Variants in CACNA1D observed in about 807,000 individuals in gnomAD.
The protein encoded by CACNA1D is voltage-dependent L-type calcium channel subunit alpha-1D.
Under a neutral mutation model 257.1 loss-of-function variants are expected in CACNA1D, and 55 were observed. That is an observed-to-expected ratio of 0.21 (90% confidence interval 0.17 to 0.27). CACNA1D has a LOEUF of 0.27. Among genes scored for constraint, CACNA1D ranks in the 10% least tolerant of loss-of-function variants. CACNA1D has a pLI of 1.00. For synonymous variants in CACNA1D, 980 were observed against 1,014.9 expected (o/e 0.97, Z 0.65); for missense variants, 1,876 against 2,784.0 (o/e 0.67, Z 7.34).
chr3:53,777,786 G>A (rs990999711), intron 37 of CACNA1D, among the ~76,000 whole-genome samples: 3 of 152,146 alleles, frequency 2.0e-5, no homozygotes, highest in African/African-American at 7.2e-5. Flanking sequence ...GCCAGAGCAC[G>A]CTCTCAGGAA....
rs1303871599 is a variant in CACNA1D, at chr3:53,776,540, G to A, written c.4363-63G>A. ...TCATGTCCATGTCATTAGAAAGCCT[G>A]TGCTCAGTTCTAACGCAATCCAGCT... On this transcript the variant is annotated intron_variant, in intron 35 of 47. Coordinates refer to ENST00000350061, the MANE Select transcript of CACNA1D (RefSeq NM_001128840.3). 5 of 1,602,206 alleles carry A rather than the reference G, an allele frequency of 3.1e-6. No homozygotes were observed. In the East Asian group the frequency reaches 1.1e-4, roughly 36 times the overall value.
intron 19 of CACNA1D, 83 bp from the exon 20 acceptor site, chr3:53,735,291 G>T (rs147939966): frequency 3.1e-6 from 4 of 1,300,950 alleles, no homozygotes; most frequent in Admixed American, 1.7e-5. Flanking sequence ...CTGGCCTCTT[G>T]CTGCAGTGGC....
chr3:53,809,956 C>T lies in CACNA1D; in HGVS notation c.5872-22C>T, dbSNP rs751144065. ...GGACCTCTGAGAACCTCTGGTCTCC[C>T]AACAGTCCCCTCTTTCCTCAGATCA... On this transcript the variant is annotated intron_variant, in intron 46 of 47. Coordinates refer to ENST00000350061, the MANE Select transcript of CACNA1D (RefSeq NM_001128840.3). The T allele has an allele frequency of 8.7e-6, 14 of 1,611,976 alleles. No individual in the cohort carries two copies. In the South Asian group the frequency reaches 9.9e-5, roughly 11 times the overall value.
chr3:53,772,920 C>G (rs746132422), intron 33 of CACNA1D, 22 bp downstream of exon 33: 1 of 1,601,538 alleles, frequency 6.2e-7, no homozygotes, highest in Non-Finnish European at 8.6e-7. Context: ...CCATCTCGCC[C>G]TCAGGGGCCC....
intron 8 of CACNA1D, among the ~76,000 whole-genome samples, chr3:53,685,858 C>T (rs905452602): frequency 6.6e-6 from 1 of 151,964 alleles, no homozygotes. Context: ...TCTACATTTC[C>T]ATCTACTAAT....
intron 3 of CACNA1D, among the ~76,000 whole-genome samples, chr3:53,508,442 C>A (rs1309338753): frequency 6.6e-6 from 1 of 152,060 alleles, no homozygotes; most frequent in Non-Finnish European, 1.5e-5. Flanking sequence ...AGCCTAGTAC[C>A]CAATAGTTAT....
Position 53,774,804 on chromosome 3 carries a change from T to G in CACNA1D, c.4202+126T>G. On this transcript the variant is annotated intron_variant, in intron 34 of 47. Transcript: ENST00000350061. The surrounding 1 kb of genome is among the most constrained non-coding windows in gnomAD (Gnocchi z 4.3). ...CTCAGTTGATTGTGATGGCTTTTTG[T>G]TTTTGTTTGTTCTGTATTCTTAAAC... The G allele has an allele frequency of 1.5e-6, 1 of 663,516 alleles. No individual in the cohort carries two copies. The highest frequency in any genetic ancestry group is 1.7e-5 in the South Asian group (1 of 57,614). 41.1% of individuals were successfully genotyped at this position (663,516 alleles called of 1,614,324 possible).
At chr3:53,730,381 A>G (rs774634451) in intron 15 of CACNA1D, 61 bp from the exon 16 acceptor site, 5 of 1,132,220 alleles carry the variant, frequency 4.4e-6, no homozygotes, top group East Asian at 4.7e-5. Flanking sequence ...TGGCGTTGCC[A>G]TTGTTGGCCG....
At chr3:53,691,793 T>C (rs1205517324) in intron 8 of CACNA1D, among the ~76,000 whole-genome samples, 1 of 75,398 alleles carries the variant, frequency 1.3e-5, no homozygotes, top group Admixed American at 1.9e-4. Context: ...ATAATATATA[T>C]ATTACATATA....
Position 53,702,819 on chromosome 3 carries a change from C to T in CACNA1D, c.1390+9C>T, listed in dbSNP as rs1471749106. The T allele has an allele frequency of 6.2e-6, 10 of 1,613,874 alleles. No homozygotes were observed. Among genetic ancestry groups the T allele is most frequent in the Admixed American group, 1.7e-5 (1 of 59,986 alleles). ...GGAAGGCAAACGAAATAGTATGTAG[C>T]GCCTTTCCTGCCCCTGGCTAGACAG... On this transcript the variant is annotated intron_variant, in intron 9 of 47. Coordinates refer to ENST00000350061, the MANE Select transcript of CACNA1D (RefSeq NM_001128840.3).
chr3:53,693,914 A>C (rs539433044), intron 8 of CACNA1D, among the ~76,000 whole-genome samples: 1 of 152,342 alleles, frequency 6.6e-6, no homozygotes, highest in African/African-American at 2.4e-5. Context: ...AACAGATAGC[A>C]TTGCAACACA....
intron 3 of CACNA1D, among the ~76,000 whole-genome samples, chr3:53,606,606 G>A (rs1485712163): frequency 6.6e-6 from 1 of 152,246 alleles, no homozygotes; most frequent in East Asian, 1.9e-4. Flanking sequence ...ATCAGTAAAT[G>A]TGATATGTGG....
At chr3:53,620,874 A>T (rs2093689516) in intron 3 of CACNA1D, among the ~76,000 whole-genome samples, 1 of 152,136 alleles carries the variant, frequency 6.6e-6, no homozygotes, top group African/African-American at 2.4e-5. Flanking sequence ...GACCTGGGGG[A>T]AACAGAGAGG....
intron 29 of CACNA1D, among the ~76,000 whole-genome samples, chr3:53,755,634 G>A (rs1197726350): frequency 6.6e-6 from 1 of 152,116 alleles, no homozygotes; most frequent in Non-Finnish European, 1.5e-5. Flanking sequence ...ACAACCTCAC[G>A]TTACAATTGG....
At chr3:53,809,919 G>T (rs761008093) in intron 46 of CACNA1D, 59 bp from the exon 47 acceptor site, 19 of 1,527,778 alleles carry the variant, frequency 1.2e-5, no homozygotes, top group Non-Finnish European at 1.7e-5. Context: ...GTGCGCAGAA[G>T]GTTTGAGGCC....
Position 53,812,312 on chromosome 3 carries a change from G to A in CACNA1D, c.*906G>A, listed in dbSNP as rs1034217171. The A allele has an allele frequency of 4.6e-5, 7 of 152,020 alleles. No homozygotes were observed. The highest frequency in any genetic ancestry group is 5.9e-5 in the Non-Finnish European group (4 of 68,018). The allele number at this position is 152,020 out of a possible 1,614,324, so 9.4% of individuals were successfully genotyped here. A position where few individuals can be genotyped will look rare whatever the true frequency, so the allele number is the denominator to read the frequency against. ...CTAGAAATTATTAGTATTTTTACTC[G>A]GGCTATCCAGAAGTAGAAGAAATAG... On this transcript the variant is annotated 3_prime_UTR_variant, in exon 48 of 48. Transcript: ENST00000350061.
Position 53,719,744 on chromosome 3 carries a change from C to T in CACNA1D, c.1479-11C>T. 8 of 1,613,394 alleles carry T rather than the reference C, an allele frequency of 5.0e-6. No individual in the cohort carries two copies. Among genetic ancestry groups the T allele is most frequent in the Non-Finnish European group, 6.8e-6 (8 of 1,179,292 alleles). On this transcript the variant is annotated splice_polypyrimidine_tract_variant and intron_variant, in intron 10 of 47. Coordinates refer to ENST00000350061, the MANE Select transcript of CACNA1D (RefSeq NM_001128840.3). ...GAACCAGAATCTTAACACTTTTTGTCTTTCTTTCAGTCAAGCCATCTCAAA... is the reference window on the plus strand; with the variant it reads ...GAACCAGAATCTTAACACTTTTTGTTTTTCTTTCAGTCAAGCCATCTCAAA...
intron 3 of CACNA1D, among the ~76,000 whole-genome samples, chr3:53,550,257 C>T (rs1052538490): frequency 7.2e-5 from 11 of 152,178 alleles, no homozygotes; most frequent in Non-Finnish European, 1.3e-4. Context: ...CAGTGAGATA[C>T]AGCACCTGGA....
intron 30 of CACNA1D, among the ~76,000 whole-genome samples, chr3:53,763,807 G>A (rs1439710749): frequency 6.6e-6 from 1 of 152,222 alleles, no homozygotes; most frequent in Admixed American, 6.5e-5. Flanking sequence ...GGCAGTTGCA[G>A]CCCTAGTTCC....
Sources: gnomAD v4.1 joint callset for allele counts (sites outside exome capture counted in the v4.1 genomes callset) on GRCh38, gnomAD v4.1.1 for gene constraint, Gnocchi (gnomAD v3.1) non-coding constraint, MANE v1.5 for transcripts, NCBI Gene and HGNC (gene_info 2026-07-23, HGNC 2026-07-21) for gene names.